The following EIF3J variants were observed in gnomAD, a reference collection of about 807,000 sequenced individuals.
EIF3J encodes eukaryotic translation initiation factor 3 subunit J.
Under a neutral mutation model 39.0 loss-of-function variants are expected in EIF3J, and 15 were observed. The ratio of observed to expected loss-of-function variants is 0.38; its 90% CI spans 0.26 to 0.59. The LOEUF (loss-of-function observed/expected upper bound fraction) is 0.59, where lower values mean the gene tolerates loss of function less well. EIF3J is among the 20% of genes least tolerant of loss of function. The pLI is 0.60. For synonymous variants in EIF3J, 98 were observed against 112.9 expected, an observed-to-expected ratio of 0.87 and a Z score of 0.84; for missense variants, 226 against 308.6, an observed-to-expected ratio of 0.73 and a Z score of 2.00.
At chr15:44,538,256 T>C (rs2081977500) in intron 2 of EIF3J, among the ~76,000 whole-genome samples, 1 of 152,150 alleles carries the variant, frequency 6.6e-6, no homozygotes, top group African/African-American at 2.4e-5. Context: ...AAGGGTTCAT[T>C]ATACAGCTGT....
intron 5 of EIF3J, 115 bp from the exon 6 acceptor site, chr15:44,557,374 G>A (rs2082153731): frequency 1.4e-6 from 1 of 716,508 alleles, no homozygotes; most frequent in African/African-American, 1.9e-5. Context: ...CAGGTTCAGA[G>A]CCCCTGCTTT....
At chr15:44,555,029 T>TA (rs2082132938) in intron 5 of EIF3J, among the ~76,000 whole-genome samples, 1 of 152,218 alleles carries the variant, frequency 6.6e-6, no homozygotes. Context: ...TCTTAAGACT[T>TA]AGACAGTAGG....
chr15:44,554,375 T>TAAA lies in EIF3J; in HGVS notation c.295-155_295-153dup, dbSNP rs59415615. 4.8e-3 allele frequency among the ~76,000 whole-genome samples: 300 copies of TAAA among 61,864 alleles called. 3 individuals are homozygous for TAAA. The highest frequency in any genetic ancestry group is 0.018 in the African/African-American group (284 of 16,228). 40.6% of individuals were successfully genotyped at this position (61,864 alleles called of 152,430 possible). On this transcript the variant is annotated intron_variant, in intron 4 of 7. Coordinates refer to ENST00000261868, the MANE Select transcript of EIF3J (RefSeq NM_003758.4). ...CTTGGTGGCAGAGTGAGGCTCTGTC[T>TAAA]AAAAAAAAAAAAAAAAAAAAAAAAA... is the stretch of plus-strand genomic sequence containing the variant.
chr15:44,537,228 G>A lies in EIF3J; in HGVS notation c.34G>A (p.Asp12Asn). Residue 12 changes from aspartate (D) to asparagine (N), a missense_variant, in exon 1 of 8, where the codon GAC (aspartate) becomes AAC (asparagine). By Grantham distance (23) the Asp-to-Asn change is conservative. Around this residue, in one of 2 missense-constraint regions of EIF3J, gnomAD observed 143 missense variants for 156.0 expected, o/e 0.92. Transcript: ENST00000261868. ...GGCGGCGGCGGCGGCGGGGGACTCG[G>A]ACTCCTGGGGTGAGGAGAAGTTGCT... is the stretch of plus-strand genomic sequence containing the variant. The part of the protein sequence containing the change: ...AAAAAAAGDS[D>N]SWDADAFSVE... 1 of 1,596,538 alleles carries A rather than the reference G, an allele frequency of 6.3e-7. No homozygotes were observed. Among genetic ancestry groups the A allele is most frequent in the Non-Finnish European group, 8.5e-7 (1 of 1,172,270 alleles).
chr15:44,547,253 C>T (rs560670606), intron 2 of EIF3J, among the ~76,000 whole-genome samples: 5 of 152,138 alleles, frequency 3.3e-5, no homozygotes, highest in African/African-American at 1.2e-4. Flanking sequence ...AAGCAATTTT[C>T]CTGCCTCAGC....
intron 5 of EIF3J, among the ~76,000 whole-genome samples, chr15:44,556,773 A>G (rs564641035): frequency 6.6e-6 from 1 of 151,988 alleles, no homozygotes; most frequent in East Asian, 1.9e-4. Context: ...AGGCCTCCCA[A>G]AGTGTTGGGA....
Position 44,557,536 on chromosome 15 carries a change from A to C in EIF3J, c.457A>C (p.Arg153=). 5.1e-6 allele frequency: 8 copies of C among 1,562,008 alleles called. No individual in the cohort carries two copies. Among genetic ancestry groups the C allele is most frequent in the Non-Finnish European group, 6.9e-6 (8 of 1,157,274 alleles). The stretch of plus-strand genomic sequence containing the variant: ...AATAGATGCTATGAACCCATCTTCA[A>C]GAGATGACTTTACAGAGTTTGGAAA... The part of the protein sequence containing the change: ...YGIDAMNPSS[R]DDFTEFGKLL... The change falls in exon 6 of 8, where the codon AGA becomes CGA. Residue 153 remains arginine, a synonymous_variant. Coordinates refer to ENST00000261868, the MANE Select transcript of EIF3J (RefSeq NM_003758.4).
Position 44,551,482 on chromosome 15 carries a change from A to G in EIF3J, c.254A>G (p.Glu85Gly). 2 of 1,591,750 alleles carry G rather than the reference A, an allele frequency of 1.3e-6. No homozygotes were observed. Among genetic ancestry groups the G allele is most frequent in the Admixed American group, 1.8e-5 (1 of 54,800 alleles). ...KKIAEKIKEK[E>G]RQQKKRQEEI... ...ATAGCAGAGAAGATAAAAGAGAAAG[A>G]ACGGCAACAGAAGAAAAGGCAAGAA... Residue 85 changes from glutamate to glycine, a missense_variant, in exon 4 of 8, where the codon GAA (glutamate) becomes GGA (glycine). Glu to Gly is a moderately conservative substitution (Grantham distance 98). This residue lies in a region of EIF3J where 143 missense variants were observed against 156.0 expected (regional missense o/e 0.92). Transcript: ENST00000261868.
At chr15:44,551,554 C>T (rs766793312) in intron 4 of EIF3J, 32 bp downstream of exon 4, 19 of 1,503,172 alleles carry the variant, frequency 1.3e-5, no homozygotes, top group Non-Finnish European at 1.6e-5. Context: ...ACAGAATTCT[C>T]ACATCGGTAG....
chr15:44,554,758 A>G (rs2082131105), intron 5 of EIF3J, 91 bp downstream of exon 5: 1 of 723,274 alleles, frequency 1.4e-6, no homozygotes, highest in Non-Finnish European at 2.2e-6. Flanking sequence ...CTTAAAAGAA[A>G]CATACTGGCT....
chr15:44,538,784 T>C (rs2081983111), intron 2 of EIF3J, among the ~76,000 whole-genome samples: 1 of 152,244 alleles, frequency 6.6e-6, no homozygotes, highest in Admixed American at 6.5e-5. Flanking sequence ...GTAGCAGATT[T>C]TCAGTTTTGA....
At position 44,543,675 on chromosome 15, in the gene EIF3J, G is replaced by A. The variant is rs1378465305; in HGVS notation, c.147+6248G>A. Among the ~76,000 whole-genome samples, 5 of 152,298 alleles carry A rather than the reference G, an allele frequency of 3.3e-5. No individual in the cohort carries two copies. In the East Asian group the frequency reaches 9.7e-4, roughly 29 times the overall value. On this transcript the variant is annotated intron_variant, in intron 2 of 7. Coordinates refer to ENST00000261868, the MANE Select transcript of EIF3J (RefSeq NM_003758.4). ...GATCTGCCTGCCTTGGCCTCCCAAA[G>A]TGCTGGGATTACAGGCATGAGTCAC...
intron 2 of EIF3J, among the ~76,000 whole-genome samples, chr15:44,547,525 C>G (rs1049265093): frequency 2.7e-5 from 4 of 148,370 alleles, no homozygotes; most frequent in Admixed American, 6.8e-5. Context: ...TCTTGGCTCA[C>G]TGCAACCTCC....
chr15:44,544,656 A>G (rs963718288), intron 2 of EIF3J, among the ~76,000 whole-genome samples: 2 of 143,266 alleles, frequency 1.4e-5, no homozygotes, highest in African/African-American at 2.6e-5. Context: ...GTGAGCTGAG[A>G]TCGTGCCATT....
At position 44,537,169 on chromosome 15, in the gene EIF3J, TCACA is replaced by T. The variant is rs1480929978; in HGVS notation, c.-22_-19del. 1.9e-6 allele frequency: 3 copies of T among 1,612,024 alleles called. No individual in the cohort carries two copies. The highest frequency in any genetic ancestry group is 2.5e-6 in the Non-Finnish European group (3 of 1,179,206). ...GCTAACTCCTCGCTAGCTCTCCCTC[TCACA>T]CACGCTCACACCCGGCTCGAGATGG... On this transcript the variant is annotated 5_prime_UTR_variant, in exon 1 of 8. Coordinates refer to ENST00000261868, the MANE Select transcript of EIF3J (RefSeq NM_003758.4).
rs2082218958 is a variant in EIF3J at position 44,562,779 on chromosome 15, TAATTA to T, written c.*1635_*1639del. 2 of 238,442 alleles carry T rather than the reference TAATTA, an allele frequency of 8.4e-6. No individual in the cohort carries two copies. The highest frequency in any genetic ancestry group is 6.5e-5 in the South Asian group (1 of 15,430). The allele number at this position is 238,442 out of a possible 1,614,324, so 14.8% of individuals were successfully genotyped here. On this transcript the variant is annotated 3_prime_UTR_variant, in exon 8 of 8. Transcript: ENST00000261868. ...ACCTGTTCCTTAACTGTGTAAATAA[TAATTA>T]AATTTCTTTGAAACTGGAATCTGCA...
chr15:44,543,055 A>G (rs573019982), intron 2 of EIF3J, among the ~76,000 whole-genome samples: 1 of 152,346 alleles, frequency 6.6e-6, no homozygotes, highest in East Asian at 1.9e-4. Flanking sequence ...TGGAATTTAC[A>G]AACTTCTAAT....
chr15:44,553,389 G>A (rs931886773), intron 4 of EIF3J, among the ~76,000 whole-genome samples: 2 of 152,042 alleles, frequency 1.3e-5, no homozygotes, highest in African/African-American at 4.8e-5. Context: ...CTACCTGGGA[G>A]GCTGAGGCAG....
At chr15:44,540,637 C>T (rs984412655) in intron 2 of EIF3J, among the ~76,000 whole-genome samples, 3 of 152,180 alleles carry the variant, frequency 2.0e-5, no homozygotes, top group Non-Finnish European at 4.4e-5. Context: ...GATAGAGTTT[C>T]GCCAAGTTGC....
Sources: allele counts gnomAD v4.1 joint callset (sites outside exome capture counted in the v4.1 genomes callset), GRCh38; gene constraint gnomAD v4.1.1; regional missense constraint gnomAD v4.1.1; transcripts MANE v1.5; gene names NCBI Gene and HGNC (gene_info 2026-07-23, HGNC 2026-07-21).